Variants in SLC24A2 observed in about 807,000 individuals in gnomAD.
The protein encoded by SLC24A2 is sodium/potassium/calcium exchanger 2.
SLC24A2 carries 36 observed loss-of-function variants against 62.0 expected under a neutral mutation model. That is an observed-to-expected ratio of 0.58 (90% confidence interval 0.44 to 0.77). The LOEUF (loss-of-function observed/expected upper bound fraction) is 0.77, where lower values mean the gene tolerates loss of function less well. Among genes scored for constraint, SLC24A2 ranks in the 30% least tolerant of loss-of-function variants. SLC24A2 has a pLI of 0.00. For missense variants in SLC24A2, 846 were observed against 817.9 expected (o/e 1.03, Z -0.42); for synonymous variants, 358 against 294.0 (o/e 1.22, Z -2.23).
the SLC24A2 span, among the ~76,000 whole-genome samples, chr9:20,056,039 CTAA>C: frequency 6.6e-6 from 1 of 152,098 alleles, no homozygotes; most frequent in Non-Finnish European, 1.5e-5. Context: ...CATACAAATT[CTAA>C]TAAGAACCTA....
At chr9:19,995,313 C>T in the SLC24A2 span, among the ~76,000 whole-genome samples, 1 of 152,154 alleles carries the variant, frequency 6.6e-6, no homozygotes, top group Non-Finnish European at 1.5e-5. Context: ...GAAATATGTT[C>T]ATCCTTCAGT....
chr9:20,267,320 C>T, the SLC24A2 span, among the ~76,000 whole-genome samples: 1 of 152,096 alleles, frequency 6.6e-6, no homozygotes, highest in Non-Finnish European at 1.5e-5. Context: ...CAAATTTGTC[C>T]AGGTCTCCTG....
chr9:20,269,518 G>A, the SLC24A2 span, among the ~76,000 whole-genome samples: 1 of 152,168 alleles, frequency 6.6e-6, no homozygotes, highest in Non-Finnish European at 1.5e-5. Flanking sequence ...CGAGTGAAAG[G>A]AGGAGTGTTC....
the SLC24A2 span, among the ~76,000 whole-genome samples, chr9:19,794,596 TAA>T: frequency 3.5e-5 from 5 of 143,992 alleles, no homozygotes; most frequent in African/African-American, 1.0e-4. Context: ...GTTGGAAAGT[TAA>T]AAAAAAAAAA....
chr9:19,912,268 A>C, the SLC24A2 span, among the ~76,000 whole-genome samples: 1 of 152,144 alleles, frequency 6.6e-6, no homozygotes, highest in Non-Finnish European at 1.5e-5. Context: ...AGAGATGCAG[A>C]TACTGAGCCT....
At chr9:20,000,461 C>A in the SLC24A2 span, among the ~76,000 whole-genome samples, 1 of 152,256 alleles carries the variant, frequency 6.6e-6, no homozygotes, top group African/African-American at 2.4e-5. Context: ...TCTTGATAAA[C>A]ATTGTATAGG....
chr9:19,947,617 T>A, the SLC24A2 span, among the ~76,000 whole-genome samples: 1 of 151,378 alleles, frequency 6.6e-6, no homozygotes, highest in Non-Finnish European at 1.5e-5. Context: ...GGTGAAACCC[T>A]GTCTGTACTA....
At position 19,548,308 on chromosome 9, in the gene SLC24A2, T is replaced by C. The variant is rs574703896; in HGVS notation, c.1479+1829A>G. On this transcript the variant is annotated intron_variant, in intron 8 of 10. Transcript: ENST00000341998. ...TTTTCTACTTTGTGGCATCACTAAA[T>C]ATGAAGCAAAGCCCAAGCCATGTGG... is the stretch of plus-strand genomic sequence containing the variant. Among the ~76,000 whole-genome samples the C allele has an allele frequency of 2.6e-5, 4 of 152,344 alleles. No homozygotes were observed. In the East Asian group the frequency reaches 5.8e-4, roughly 22 times the overall value.
At chr9:20,004,174 T>G in the SLC24A2 span, among the ~76,000 whole-genome samples, 1 of 152,194 alleles carries the variant, frequency 6.6e-6, no homozygotes, top group African/African-American at 2.4e-5. Context: ...TAATAGATGA[T>G]AAGGGAGCAT....
chr9:19,791,299 T>G (rs565078199), upstream of SLC24A2, among the ~76,000 whole-genome samples: 1 of 151,840 alleles, frequency 6.6e-6, no homozygotes, highest in African/African-American at 2.4e-5. Context: ...TTGCTAGGCT[T>G]TGTCTTTTTA....
Position 19,515,100 on chromosome 9 carries a change from G to A in SLC24A2, c.*1053C>T, listed in dbSNP as rs750530836. 6.6e-6 allele frequency: 1 copy of A among 152,066 alleles called. No homozygotes were observed. Among genetic ancestry groups the A allele is most frequent in the Non-Finnish European group, 1.5e-5 (1 of 68,026 alleles). 9.4% of individuals were successfully genotyped at this position (152,066 alleles called of 1,614,324 possible). On this transcript the variant is annotated 3_prime_UTR_variant, in exon 11 of 11. Transcript: ENST00000341998. ...AAAATATATCTACATGACAATCACA[G>A]CTAAACTTACCCCTCTTCTTTTGAT...
chr9:19,554,564 C>T (rs114804466), intron 7 of SLC24A2, among the ~76,000 whole-genome samples: 179 of 152,206 alleles, frequency 1.2e-3, no homozygotes, highest in African/African-American at 4.0e-3. Context: ...CTTGCTTTTA[C>T]CTAGGCTTGG....
At chr9:19,945,445 C>T in the SLC24A2 span, among the ~76,000 whole-genome samples, 55 of 152,264 alleles carry the variant, frequency 3.6e-4, no homozygotes, top group East Asian at 2.7e-3. Flanking sequence ...GACTTAATGC[C>T]CCAATGCATT....
At chr9:20,242,584 G>C in the SLC24A2 span, among the ~76,000 whole-genome samples, 4 of 152,312 alleles carry the variant, frequency 2.6e-5, no homozygotes, top group East Asian at 5.8e-4. Flanking sequence ...AGGGAGCCAT[G>C]AGGACACTCC....
Position 19,550,213 on chromosome 9 carries a change from C to T in SLC24A2, c.1403G>A (p.Arg468His), listed in dbSNP as rs145624570. ...PLSLAWPSET[R>H]KQVTFLIVFP... The stretch of plus-strand genomic sequence containing the variant: ...AACAATCAGAAACGTGACTTGCTTG[C>T]GGGTTTCAGAAGGCCAGGCAAGGCT... The change falls in exon 8 of 11, where the codon CGC becomes CAC. Residue 468 changes from arginine to histidine, a missense_variant. By Grantham distance (29) the Arg-to-His change is conservative. Coordinates refer to ENST00000341998, the MANE Select transcript of SLC24A2 (RefSeq NM_020344.4). 320 of 1,614,070 alleles carry T rather than the reference C, an allele frequency of 2.0e-4. No individual in the cohort carries two copies. The African/African-American group carries it at 2.3e-3, about 11-fold the overall frequency.
At chr9:19,645,128 A>G (rs1818605647) in intron 2 of SLC24A2, among the ~76,000 whole-genome samples, 2 of 149,856 alleles carry the variant, frequency 1.3e-5, no homozygotes, top group South Asian at 4.1e-4. Context: ...TCCACACTGC[A>G]AAGGTATGGA....
rs1335288684 is a variant in SLC24A2, at chr9:19,788,975, G to T, written c.-244C>A. On this transcript the variant is annotated 5_prime_UTR_variant, in exon 1 of 11. Transcript: ENST00000341998. ...CGGCCCTCCGCCTACCCGCTCTGAGGCCCGGGCTCTGGCTCGCACTGGCTG... is the reference window on the plus strand; with the variant it reads ...CGGCCCTCCGCCTACCCGCTCTGAGTCCCGGGCTCTGGCTCGCACTGGCTG... 1 of 982,840 alleles carries T rather than the reference G, an allele frequency of 1.0e-6. No individual in the cohort carries two copies. The highest frequency in any genetic ancestry group is 1.2e-6 in the Non-Finnish European group (1 of 827,664). 60.9% of individuals were successfully genotyped at this position (982,840 alleles called of 1,614,324 possible). A position where few individuals can be genotyped will look rare whatever the true frequency, so the allele number is the denominator to read the frequency against.
chr9:20,061,413 A>C, the SLC24A2 span, among the ~76,000 whole-genome samples: 1 of 152,228 alleles, frequency 6.6e-6, no homozygotes, highest in Non-Finnish European at 1.5e-5. Context: ...CAGCCTCCCA[A>C]GTAGCTGGAA....
In SLC24A2 at chr9:19,737,358, G is replaced by T. The variant is rs1003935505; in HGVS notation, c.930+48579C>A. ...GACTGAAAATTAGCAAAATGTCAAA[G>T]ATTATTATATTTAATTATTATGAAA... On this transcript the variant is annotated intron_variant, in intron 2 of 10. Transcript: ENST00000341998. Among the ~76,000 whole-genome samples the T allele has an allele frequency of 7.9e-5, 12 of 152,260 alleles. 1 individual carries two copies. The highest frequency in any genetic ancestry group is 2.9e-4 in the African/African-American group (12 of 41,556).
Sources: allele counts gnomAD v4.1 joint callset (sites outside exome capture counted in the v4.1 genomes callset), GRCh38; gene constraint gnomAD v4.1.1; transcripts MANE v1.5; gene names NCBI Gene and HGNC (gene_info 2026-07-23, HGNC 2026-07-21).